The following MIPOL1 variants were observed in gnomAD, a reference collection of about 807,000 sequenced individuals.
MIPOL1 encodes mirror-image polydactyly 1, also known as mirror-image polydactyly gene 1 protein.
Under a neutral mutation model 60.9 loss-of-function variants are expected in MIPOL1, and 57 were observed. That is an observed-to-expected ratio of 0.94 (90% confidence interval 0.76 to 1.17). The LOEUF is 1.17. Ranked by LOEUF, MIPOL1 falls within the 50% of genes most tolerant of loss-of-function variation. The pLI, the probability that MIPOL1 is intolerant of heterozygous loss-of-function variation, is 0.00. For synonymous variants in MIPOL1, 179 were observed against 168.8 expected (o/e 1.06, Z -0.47); for missense variants, 551 against 511.6 (o/e 1.08, Z -0.74).
chr14:37,429,656 A>T (rs950915791), intron 11 of MIPOL1, among the ~76,000 whole-genome samples: 3 of 152,134 alleles, frequency 2.0e-5, no homozygotes, highest in Non-Finnish European at 4.4e-5. Flanking sequence ...AACCATAAAG[A>T]TAGAGGCCAG....
At chr14:37,414,124 CTT>C (rs1350198010) in intron 10 of MIPOL1, among the ~76,000 whole-genome samples, 1 of 151,996 alleles carries the variant, frequency 6.6e-6, no homozygotes, top group African/African-American at 2.4e-5. Flanking sequence ...ATTTTAATGA[CTT>C]TATTAAAAAT....
intron 1 of MIPOL1, among the ~76,000 whole-genome samples, chr14:37,244,458 A>G (rs1369750173): frequency 6.6e-6 from 1 of 152,028 alleles, no homozygotes; most frequent in Non-Finnish European, 1.5e-5. Context: ...TTCAGAATTA[A>G]AAATAGCTTG....
At chr14:37,203,861 C>G (rs1022825439) in intron 1 of MIPOL1, among the ~76,000 whole-genome samples, 1 of 152,188 alleles carries the variant, frequency 6.6e-6, no homozygotes, top group African/African-American at 2.4e-5. Flanking sequence ...TGGCTCACTG[C>G]AACCTCCGCC....
intron 7 of MIPOL1, among the ~76,000 whole-genome samples, chr14:37,306,092 A>G (rs989423085): frequency 3.9e-5 from 6 of 151,918 alleles, no homozygotes; most frequent in Admixed American, 2.0e-4. Flanking sequence ...TGTTTAAATT[A>G]TTAGTAGGGA....
chr14:37,341,641 C>T (rs1056225828), intron 9 of MIPOL1, among the ~76,000 whole-genome samples: 5 of 152,122 alleles, frequency 3.3e-5, no homozygotes, highest in Admixed American at 3.3e-4. Context: ...GATGGGGTCT[C>T]ACTGTGTTGC....
rs1567209565 is a variant in MIPOL1 at position 37,267,167 on chromosome 14, CAAGT to C, written c.251+3_251+6del. 4 of 1,606,110 alleles carry C rather than the reference CAAGT, an allele frequency of 2.5e-6. No individual in the cohort carries two copies. Among genetic ancestry groups the C allele is most frequent in the African/African-American group, 1.3e-5 (1 of 74,854 alleles). On this transcript the variant is annotated splice_donor_variant and coding_sequence_variant, in exon 4 of 13. Coordinates refer to ENST00000684589, the MANE Select transcript of MIPOL1 (RefSeq NM_001388067.1). LOFTEE classifies it high-confidence loss of function. ...CTGTTTACTGCACTACTGAAAAATA[CAAGT>C]AAGTGCTCACAGCCTTAGATTTAGA...
intron 11 of MIPOL1, among the ~76,000 whole-genome samples, chr14:37,441,507 T>C (rs1012149956): frequency 2.0e-5 from 3 of 152,158 alleles, no homozygotes; most frequent in Admixed American, 6.6e-5. Flanking sequence ...CTCCAGTGTA[T>C]GTTATTGTCA....
chr14:37,355,337 A>G (rs2091729054), intron 9 of MIPOL1, among the ~76,000 whole-genome samples: 2 of 124,904 alleles, frequency 1.6e-5, no homozygotes, highest in South Asian at 3.2e-4. Context: ...GCTGCCCTTA[A>G]CATTTTTTCC....
intron 12 of MIPOL1, among the ~76,000 whole-genome samples, chr14:37,514,184 G>A (rs980818095): frequency 6.6e-6 from 1 of 152,068 alleles, no homozygotes. Context: ...TAACAGGTAC[G>A]CTTTTCCCTT....
At chr14:37,334,477 A>G (rs1212447103) in intron 9 of MIPOL1, among the ~76,000 whole-genome samples, 1 of 152,048 alleles carries the variant, frequency 6.6e-6, no homozygotes, top group Admixed American at 6.6e-5. Context: ...TCATTCATAT[A>G]TAATTACTTA....
intron 10 of MIPOL1, among the ~76,000 whole-genome samples, chr14:37,393,737 G>A (rs1022521348): frequency 1.3e-5 from 2 of 151,062 alleles, no homozygotes; most frequent in Non-Finnish European, 2.9e-5. Flanking sequence ...GGTACAGGTG[G>A]TATTTGGTTA....
At chr14:37,257,013 G>T (rs773156675) in intron 3 of MIPOL1, among the ~76,000 whole-genome samples, 1 of 151,476 alleles carries the variant, frequency 6.6e-6, no homozygotes, top group Admixed American at 6.6e-5. Flanking sequence ...TAGTTTAGCA[G>T]TTACAGTTGA....
intron 11 of MIPOL1, among the ~76,000 whole-genome samples, chr14:37,497,480 G>A (rs912722976): frequency 5.3e-5 from 8 of 152,312 alleles, no homozygotes; most frequent in African/African-American, 1.2e-4. Flanking sequence ...TTTACAAAAA[G>A]CATTGCCATT....
intron 11 of MIPOL1, among the ~76,000 whole-genome samples, chr14:37,450,405 A>T (rs1029794161): frequency 2.6e-5 from 4 of 152,148 alleles, no homozygotes; most frequent in Admixed American, 2.6e-4. Flanking sequence ...ATATTTTAAC[A>T]TTACATCCTT....
intron 11 of MIPOL1, among the ~76,000 whole-genome samples, chr14:37,488,949 G>A (rs1289873516): frequency 6.6e-6 from 1 of 152,074 alleles, no homozygotes; most frequent in Non-Finnish European, 1.5e-5. Context: ...TATCTTTGTG[G>A]TGTTCTCTGT....
chr14:37,458,339 A>C (rs1472771553), intron 11 of MIPOL1, among the ~76,000 whole-genome samples: 1 of 152,210 alleles, frequency 6.6e-6, no homozygotes. Flanking sequence ...TTCTCAGAAC[A>C]TTCTATCCAA....
intron 10 of MIPOL1, among the ~76,000 whole-genome samples, chr14:37,377,324 T>C (rs1330996358): frequency 2.0e-5 from 3 of 152,126 alleles, no homozygotes; most frequent in Admixed American, 2.0e-4. Context: ...TTTGTTTTCC[T>C]TAGATAAGGG....
chr14:37,391,249 A>G (rs1258157399), intron 10 of MIPOL1, among the ~76,000 whole-genome samples: 1 of 146,826 alleles, frequency 6.8e-6, no homozygotes, highest in East Asian at 1.9e-4. Context: ...AGTCACATGC[A>G]GATGTGAATT....
chr14:37,486,887 A>G (rs772370964), intron 11 of MIPOL1, among the ~76,000 whole-genome samples: 1 of 152,002 alleles, frequency 6.6e-6, no homozygotes, highest in Non-Finnish European at 1.5e-5. Context: ...GGGAGTGGGT[A>G]TGAGAGGGCA....
Sources: gnomAD v4.1 joint callset for allele counts (sites outside exome capture counted in the v4.1 genomes callset) on GRCh38, gnomAD v4.1.1 for gene constraint, MANE v1.5 for transcripts, NCBI Gene and HGNC (gene_info 2026-07-23, HGNC 2026-07-21) for gene names.